The following ABCG4 variants were observed in gnomAD, a reference collection of about 807,000 sequenced individuals.
ABCG4 encodes ATP binding cassette subfamily G member 4.
Under a neutral mutation model 64.6 loss-of-function variants are expected in ABCG4, and 35 were observed. The observed-to-expected ratio is 0.54, with a 90% CI of 0.41 to 0.72. The LOEUF is 0.72. Ranked by LOEUF, ABCG4 falls within the 30% of genes least tolerant of loss-of-function variation. ABCG4 has a pLI of 0.00. For missense variants in ABCG4, 610 were observed against 846.3 expected (o/e 0.72, Z 3.46); for synonymous variants, 326 against 348.2 (o/e 0.94, Z 0.71).
chr11:119,160,809 G>A lies in ABCG4; in HGVS notation c.1716-72G>A. The stretch of plus-strand genomic sequence containing the variant: ...CCCCAGGGATGACAGCATTGCAGCT[G>A]GGCTCTGGCAGTTTTCTCAGAGAGC... On this transcript the variant is annotated intron_variant, in intron 14 of 14. Transcript: ENST00000619701. The surrounding 1 kb of genome is among the most constrained non-coding windows in gnomAD (Gnocchi z 4.6). 1 of 1,538,262 alleles carries A rather than the reference G, an allele frequency of 6.5e-7. No individual in the cohort carries two copies. Among genetic ancestry groups the A allele is most frequent in the Non-Finnish European group, 8.9e-7 (1 of 1,119,638 alleles).
chr11:119,150,355 G>A lies in ABCG4; in HGVS notation c.238+152G>A. The A allele has an allele frequency of 1.8e-6, 2 of 1,102,110 alleles. No individual in the cohort carries two copies. Among genetic ancestry groups the A allele is most frequent in the Non-Finnish European group, 2.6e-6 (2 of 778,140 alleles). The allele number at this position is 1,102,110 out of a possible 1,614,324, so 68.3% of individuals were successfully genotyped here. Reference sequence around the variant, plus strand: ...TGGGCCCCAGCCCGTTGCTCACTGTGCACTCTTGGGGTGTCAGGATCTACG... The same window carrying A: ...TGGGCCCCAGCCCGTTGCTCACTGTACACTCTTGGGGTGTCAGGATCTACG... On this transcript the variant is annotated intron_variant, in intron 2 of 14. Transcript: ENST00000619701. This position sits in a 1 kb window ranked among gnomAD's most constrained non-coding sequence, Gnocchi z 4.3.
Position 119,150,112 on chromosome 11 carries a change from C to T in ABCG4, c.147C>T (p.Arg49=). 1.2e-6 allele frequency: 2 copies of T among 1,614,170 alleles called. No homozygotes were observed. Among genetic ancestry groups the T allele is most frequent in the African/African-American group, 1.3e-5 (1 of 75,028 alleles). The change falls in exon 2 of 15, where the codon CGC becomes CGT. Residue 49 remains arginine (R), a synonymous_variant. Coordinates refer to ENST00000619701, the MANE Select transcript of ABCG4 (RefSeq NM_022169.5). This position sits in a 1 kb window ranked among gnomAD's most constrained non-coding sequence, Gnocchi z 4.3. The stretch of plus-strand genomic sequence containing the variant: ...AGAACCACATCACTGAAGCCCAGCG[C>T]TTCTCCCACCTACCCAAGCGCTCAG... The part of the protein sequence containing the change: ...KVENHITEAQ[R]FSHLPKRSAV...
At position 119,160,226 on chromosome 11, in the gene ABCG4, G is replaced by A. The variant is rs937449305; in HGVS notation, c.1438-1G>A. ...CTGTCCAGCCCGTGCCCACTCCCCA[G>A]GTGGTGTGTCCGGTGGTCTACTGCA... On this transcript the variant is annotated splice_acceptor_variant, in intron 12 of 14. Coordinates refer to ENST00000619701, the MANE Select transcript of ABCG4 (RefSeq NM_022169.5). LOFTEE classifies it high-confidence loss of function. This position sits in a 1 kb window ranked among gnomAD's most constrained non-coding sequence, Gnocchi z 4.6. 8 of 1,606,706 alleles carry A rather than the reference G, an allele frequency of 5.0e-6. No homozygotes were observed. The highest frequency in any genetic ancestry group is 6.8e-6 in the Non-Finnish European group (8 of 1,174,352).
At chr11:119,157,964 G>A (rs1948289142) in intron 9 of ABCG4, among the ~76,000 whole-genome samples, 3 of 152,192 alleles carry the variant, frequency 2.0e-5, no homozygotes, top group South Asian at 4.1e-4. Context: ...AAAAGTAACC[G>A]ATCTATTATT....
chr11:119,154,614 G>C lies in ABCG4; in HGVS notation c.540+39G>C. ...GGAGGCAGTGGGACCACTCCCTTTT[G>C]TGGTGCTGCTGAGCTCAAGGCCCCG... On this transcript the variant is annotated intron_variant, in intron 5 of 14. Transcript: ENST00000619701. The surrounding 1 kb of genome is among the most constrained non-coding windows in gnomAD (Gnocchi z 7.0). 1 of 1,609,728 alleles carries C rather than the reference G, an allele frequency of 6.2e-7. No homozygotes were observed. The highest frequency in any genetic ancestry group is 8.5e-7 in the Non-Finnish European group (1 of 1,178,372).
intron 12 of ABCG4, among the ~76,000 whole-genome samples, chr11:119,159,739 C>T (rs1376489433): frequency 6.6e-6 from 1 of 152,090 alleles, no homozygotes; most frequent in Non-Finnish European, 1.5e-5. Flanking sequence ...TCAGGGTGGA[C>T]ACCGTCACAG....
In ABCG4 at chr11:119,162,219, C is replaced by A. The variant is rs1192289208; in HGVS notation, c.*1113C>A. 2 of 152,748 alleles carry A rather than the reference C, an allele frequency of 1.3e-5. No homozygotes were observed. Among genetic ancestry groups the A allele is most frequent in the Non-Finnish European group, 2.9e-5 (2 of 68,116 alleles). The allele number at this position is 152,748 out of a possible 1,614,324, so 9.5% of individuals were successfully genotyped here. A position where few individuals can be genotyped will look rare whatever the true frequency, so the allele number is the denominator to read the frequency against. On this transcript the variant is annotated 3_prime_UTR_variant, in exon 15 of 15. Coordinates refer to ENST00000619701, the MANE Select transcript of ABCG4 (RefSeq NM_022169.5). ...CCAGGGGTGGCACAGGGCACTAGAT[C>A]CCTGGAGTTCAGGAACCAACACAAG...
rs756388238 is a variant in ABCG4, at chr11:119,160,552, G to A, written c.1611G>A (p.Val537=). The part of the protein sequence containing the change: ...ASNSLQVATF[V]GPVTAIPVLL... ...TTCCCCTCTAGGTGGCCACTTTTGT[G>A]GGCCCAGTTACCGCCATCCCTGTCC... The change falls in exon 14 of 15, where the codon GTG becomes GTA. Residue 537 remains valine, a synonymous_variant. Coordinates refer to ENST00000619701, the MANE Select transcript of ABCG4 (RefSeq NM_022169.5). The surrounding 1 kb of genome is among the most constrained non-coding windows in gnomAD (Gnocchi z 4.6). 1 of 1,611,100 alleles carries A rather than the reference G, an allele frequency of 6.2e-7. No individual in the cohort carries two copies. Among genetic ancestry groups the A allele is most frequent in the Non-Finnish European group, 8.5e-7 (1 of 1,179,900 alleles).
chr11:119,151,114 T>A (rs1476708540), intron 2 of ABCG4, among the ~76,000 whole-genome samples: 3 of 152,260 alleles, frequency 2.0e-5, no homozygotes, highest in Admixed American at 1.3e-4. Context: ...CAATGGAAAC[T>A]GAGGCATCTG....
Position 119,161,127 on chromosome 11 carries a change from C to T in ABCG4, c.*21C>T, listed in dbSNP as rs1041902612. 2.5e-6 allele frequency: 4 copies of T among 1,601,956 alleles called. No individual in the cohort carries two copies. The highest frequency in any genetic ancestry group is 4.5e-5 in the East Asian group (2 of 44,650). On this transcript the variant is annotated 3_prime_UTR_variant, in exon 15 of 15. Transcript: ENST00000619701. ...GATAGAGGCTTGCCCCAGCCTGTAC[C>T]CCAGCCCCTGCAGCAGGAAGCCCCC... is the stretch of plus-strand genomic sequence containing the variant.
In ABCG4 at chr11:119,150,002, C is replaced by G. The variant is rs1285852678; in HGVS notation, c.37C>G (p.Leu13Val). 1 of 1,610,954 alleles carries G rather than the reference C, an allele frequency of 6.2e-7. No individual in the cohort carries two copies. Among genetic ancestry groups the G allele is most frequent in the Non-Finnish European group, 8.5e-7 (1 of 1,179,892 alleles). The change falls in exon 2 of 15, where the codon CTA (leucine) becomes GTA (valine). Residue 13 changes from leucine to valine, a missense_variant. By Grantham distance (32) the Leu-to-Val change is conservative. Transcript: ENST00000619701. This position sits in a 1 kb window ranked among gnomAD's most constrained non-coding sequence, Gnocchi z 4.3. ...GGCGCTGGAGGCCGTGGGCTGTGGA[C>G]TAGGGCCGGGGGCTGTGGCCATGGC... ...EKALEAVGCG[L>V]GPGAVAMAVT...
rs1592306260 is a variant in ABCG4 at position 119,156,684 on chromosome 11, T to C, written c.925+6T>C. The C allele has an allele frequency of 1.2e-6, 2 of 1,613,488 alleles. No individual in the cohort carries two copies. Among genetic ancestry groups the C allele is most frequent in the Middle Eastern group, 1.6e-4 (1 of 6,062 alleles). On this transcript the variant is annotated splice_donor_region_variant and intron_variant, in intron 8 of 14. Coordinates refer to ENST00000619701, the MANE Select transcript of ABCG4 (RefSeq NM_022169.5). The surrounding 1 kb of genome is among the most constrained non-coding windows in gnomAD (Gnocchi z 5.5). ...CCACAACCCGGCTGACTTCAGTGAG[T>C]GGGGGTCTGTTGGTAGGGGCTGGGA...
rs59807086 is a variant in ABCG4, at chr11:119,159,253, G to A, written c.1437+324G>A. ...TGTAATCCCAGCACTTTGGGAAGCC[G>A]AGGCTGGAGGATCACTTGAGCTCAG... is the stretch of plus-strand genomic sequence containing the variant. On this transcript the variant is annotated intron_variant, in intron 12 of 14. Transcript: ENST00000619701. 4.2e-3 allele frequency among the ~76,000 whole-genome samples: 635 copies of A among 152,350 alleles called. 4 individuals are homozygous for A. Among genetic ancestry groups the A allele is most frequent in the African/African-American group, 0.014 (591 of 41,578 alleles).
At chr11:119,159,013 T>C (rs1028311781) in intron 12 of ABCG4, 84 bp downstream of exon 12, 6 of 1,325,022 alleles carry the variant, frequency 4.5e-6, no homozygotes, top group Non-Finnish European at 5.4e-6. Context: ...CTCAAACTTG[T>C]CACTTTCCTT....
chr11:119,154,290 T>C lies in ABCG4; in HGVS notation c.387T>C (p.Val129=), dbSNP rs757045279. Residue 129 remains valine (V), a synonymous_variant, in exon 4 of 15, where the codon GTT becomes GTC. Transcript: ENST00000619701. The surrounding 1 kb of genome is among the most constrained non-coding windows in gnomAD (Gnocchi z 7.0). The stretch of plus-strand genomic sequence containing the variant: ...CTGGAATGAAGGGGCAGATCCTGGT[T>C]AATGGAAGGCCACGGGAGCTGAGGA... ...RESGMKGQIL[V]NGRPRELRTF... 6.2e-7 allele frequency: 1 copy of C among 1,614,160 alleles called. No homozygotes were observed. Among genetic ancestry groups the C allele is most frequent in the South Asian group, 1.1e-5 (1 of 91,088 alleles).
In ABCG4 at chr11:119,158,576, T is replaced by A. The variant is rs774334992; in HGVS notation, c.1187T>A (p.Phe396Tyr). 8.1e-6 allele frequency: 13 copies of A among 1,614,074 alleles called. No individual in the cohort carries two copies. Among genetic ancestry groups the A allele is most frequent in the Admixed American group, 6.7e-5 (4 of 60,006 alleles). ...CCCAAGGTCCTGACCCACCTACGGT[T>A]CATGTCCCACGTGGTTATTGGCGTG... is the stretch of plus-strand genomic sequence containing the variant. Reference protein sequence around the residue: ...LRDTVLTHLRFMSHVVIGVLI... With the variant: ...LRDTVLTHLRYMSHVVIGVLI... Residue 396 changes from phenylalanine (F) to tyrosine (Y), a missense_variant, in exon 11 of 15, where the codon TTC becomes TAC. Coordinates refer to ENST00000619701, the MANE Select transcript of ABCG4 (RefSeq NM_022169.5). This position sits in a 1 kb window ranked among gnomAD's most constrained non-coding sequence, Gnocchi z 4.5.
Position 119,160,736 on chromosome 11 carries a change from G to A in ABCG4, c.1715+80G>A, listed in dbSNP as rs76446609. 9,915 of 1,510,550 alleles carry A rather than the reference G, an allele frequency of 6.6e-3. 576 individuals carry two copies. In the African/African-American group the frequency reaches 0.12, roughly 18 times the overall value. The allele number at this position is 1,510,550 out of a possible 1,614,324, so 93.6% of individuals were successfully genotyped here. On this transcript the variant is annotated intron_variant, in intron 14 of 14. Coordinates refer to ENST00000619701, the MANE Select transcript of ABCG4 (RefSeq NM_022169.5). The surrounding 1 kb of genome is among the most constrained non-coding windows in gnomAD (Gnocchi z 4.6). ...CCCAGGGCTTCCTGGGTTGTGCCAA[G>A]TCTGCTGCCTGCCCCATTATCCTTT...
intron 2 of ABCG4, among the ~76,000 whole-genome samples, chr11:119,151,770 C>T (rs888587948): frequency 3.3e-5 from 5 of 152,188 alleles, no homozygotes; most frequent in African/African-American, 4.8e-5. Flanking sequence ...GAGCTACTGA[C>T]GGCGGCAGAA....
At chr11:119,159,466 A>G (rs1948316275) in intron 12 of ABCG4, among the ~76,000 whole-genome samples, 1 of 152,222 alleles carries the variant, frequency 6.6e-6, no homozygotes, top group Non-Finnish European at 1.5e-5. Context: ...GCCACTTGCT[A>G]CCTGCAAGAT....
Sources: allele counts gnomAD v4.1 joint callset (sites outside exome capture counted in the v4.1 genomes callset), GRCh38; gene constraint gnomAD v4.1.1; non-coding constraint Gnocchi (gnomAD v3.1); transcripts MANE v1.5; gene names NCBI Gene and HGNC (gene_info 2026-07-23, HGNC 2026-07-21).